The following BOLA3 variants were observed in gnomAD, a reference collection of about 807,000 sequenced individuals.
The protein encoded by BOLA3 is bolA-like protein 3.
Under a neutral mutation model 14.5 loss-of-function variants are expected in BOLA3, and 8 were observed. The ratio of observed to expected loss-of-function variants is 0.55; its 90% CI spans 0.32 to 0.99. The LOEUF (loss-of-function observed/expected upper bound fraction) is 0.99. Ranked by LOEUF, BOLA3 falls within the 50% of genes least tolerant of loss-of-function variation. The pLI is 0.04. For synonymous variants in BOLA3, 42 were observed against 45.7 expected, an observed-to-expected ratio of 0.92 and a Z score of 0.33; for missense variants, 115 against 138.2, an observed-to-expected ratio of 0.83 and a Z score of 0.84.
chr2:74,147,717 G>T (rs1692572846), intron 1 of BOLA3, 104 bp downstream of exon 1: 4 of 1,111,480 alleles, frequency 3.6e-6, no homozygotes, highest in African/African-American at 1.6e-5. Context: ...AGTGCCGCGC[G>T]CGCCCTCCGG....
chr2:74,144,660 G>A (rs1438004517), intron 2 of BOLA3, among the ~76,000 whole-genome samples: 1 of 152,202 alleles, frequency 6.6e-6, no homozygotes, highest in Non-Finnish European at 1.5e-5. Flanking sequence ...GCTTGGCTGG[G>A]GCTGGTAACT....
chr2:74,145,590 T>C, intron 1 of BOLA3: 1 of 461,104 alleles, frequency 2.2e-6, no homozygotes, highest in African/African-American at 2.0e-5. Flanking sequence ...TTTGCTTCCA[T>C]ATAATGTTGT....
chr2:74,147,867 G>A lies in BOLA3; in HGVS notation c.8C>T (p.Ala3Val), dbSNP rs1377089085. The change falls in exon 1 of 4, where the codon GCA (alanine) becomes GTA (valine). Residue 3 changes from alanine to valine, a missense_variant. Ala to Val is a moderately conservative substitution (Grantham distance 64). Coordinates refer to ENST00000327428, the MANE Select transcript of BOLA3 (RefSeq NM_212552.3). ...AGGCGCTGCCGCGGCCGGGCTCCAT[G>A]CAGCCATGCCCGGCCGACGTGACCC... The part of the protein sequence containing the change: MA[A>V]WSPAAAAPLL... 5.9e-6 allele frequency: 9 copies of A among 1,523,172 alleles called. No homozygotes were observed. The highest frequency in any genetic ancestry group is 2.8e-5 in the African/African-American group (2 of 71,238). 94.4% of individuals were successfully genotyped at this position (1,523,172 alleles called of 1,614,324 possible).
intron 1 of BOLA3, chr2:74,147,361 G>A: frequency 4.5e-6 from 1 of 220,750 alleles, no homozygotes; most frequent in Non-Finnish European, 9.0e-6. Flanking sequence ...CGTGGGAAGT[G>A]CCCCCTGCTT....
chr2:74,142,836 G>C (rs1478066600), intron 2 of BOLA3, among the ~76,000 whole-genome samples: 5 of 152,220 alleles, frequency 3.3e-5, no homozygotes, highest in African/African-American at 9.6e-5. Flanking sequence ...GGGAGCATGA[G>C]AGCCAGGGAC....
intron 3 of BOLA3, 73 bp from the exon 4 acceptor site, chr2:74,135,731 T>A: frequency 1.8e-6 from 2 of 1,120,446 alleles, no homozygotes; most frequent in South Asian, 1.2e-5. Flanking sequence ...AGAGTATTTT[T>A]ATACAGCTCT....
intron 2 of BOLA3, 67 bp downstream of exon 2, chr2:74,145,122 G>T: frequency 1.1e-6 from 1 of 884,058 alleles, no homozygotes; most frequent in South Asian, 1.3e-5. Flanking sequence ...CCAAGCCCCT[G>T]ACCCTCTGTC....
chr2:74,147,548 T>C, intron 1 of BOLA3: 1 of 539,958 alleles, frequency 1.9e-6, no homozygotes. Context: ...CGCAGTATTA[T>C]GACTGTTCAT....
At chr2:74,142,531 T>C (rs1027331620) in intron 2 of BOLA3, among the ~76,000 whole-genome samples, 171 bp from the exon 3 acceptor site, 3 of 152,086 alleles carry the variant, frequency 2.0e-5, no homozygotes, top group Non-Finnish European at 4.4e-5. Flanking sequence ...GACCACATGC[T>C]CCTCCTGACA....
chr2:74,139,347 C>T (rs1046334749), intron 3 of BOLA3, among the ~76,000 whole-genome samples: 1 of 152,104 alleles, frequency 6.6e-6, no homozygotes, highest in Non-Finnish European at 1.5e-5. Context: ...ACACCAGGCC[C>T]CCACCCAAAC....
chr2:74,143,789 C>T (rs898398815), intron 2 of BOLA3, among the ~76,000 whole-genome samples: 9 of 151,618 alleles, frequency 5.9e-5, no homozygotes, highest in African/African-American at 1.5e-4. Context: ...CAGGTTCAAG[C>T]GATTCTCCTG....
chr2:74,147,901 A>G lies in BOLA3; in HGVS notation c.-27T>C. On this transcript the variant is annotated 5_prime_UTR_variant, in exon 1 of 4. Coordinates refer to ENST00000327428, the MANE Select transcript of BOLA3 (RefSeq NM_212552.3). ...CCCGGCCGACGTGACCCGCCGCCCG[A>G]GGTCACTGTATGCCCGAAAGACGCG... 6.6e-7 allele frequency: 1 copy of G among 1,512,020 alleles called. No homozygotes were observed. Among genetic ancestry groups the G allele is most frequent in the Non-Finnish European group, 8.8e-7 (1 of 1,137,484 alleles). 93.7% of individuals were successfully genotyped at this position (1,512,020 alleles called of 1,614,324 possible).
intron 3 of BOLA3, among the ~76,000 whole-genome samples, chr2:74,139,430 C>T (rs1039273866): frequency 1.3e-5 from 2 of 151,754 alleles, no homozygotes; most frequent in Non-Finnish European, 2.9e-5. Flanking sequence ...ACCAGCTGGC[C>T]CTGGGAGTGG....
chr2:74,140,519 T>C (rs1692419951), intron 3 of BOLA3, among the ~76,000 whole-genome samples: 1 of 152,206 alleles, frequency 6.6e-6, no homozygotes, highest in Admixed American at 6.5e-5. Context: ...GCAGTAAGCC[T>C]GCTTTCGAGG....
At chr2:74,136,606 T>C (rs368749307) in intron 3 of BOLA3, among the ~76,000 whole-genome samples, 90 of 152,310 alleles carry the variant, frequency 5.9e-4, no homozygotes, top group African/African-American at 1.9e-3. Context: ...CAAACATCTA[T>C]CTTGGAGATC....
At chr2:74,147,612 C>T in intron 1 of BOLA3, 5 of 620,194 alleles carry the variant, frequency 8.1e-6, no homozygotes, top group Non-Finnish European at 1.1e-5. Flanking sequence ...TCCCCTAGAG[C>T]GCGCCAGAGC....
chr2:74,137,934 C>G (rs535360843), intron 3 of BOLA3, among the ~76,000 whole-genome samples: 1 of 152,362 alleles, frequency 6.6e-6, no homozygotes, highest in East Asian at 1.9e-4. Context: ...TGTGCCTGGA[C>G]CACAACCAGC....
At chr2:74,147,390 G>A in intron 1 of BOLA3, 1 of 249,824 alleles carries the variant, frequency 4.0e-6, no homozygotes, top group South Asian at 4.5e-5. Flanking sequence ...CTCCGGTAGT[G>A]TGGGATTTGG....
intron 3 of BOLA3, among the ~76,000 whole-genome samples, chr2:74,137,035 C>T (rs1258928728): frequency 6.6e-6 from 1 of 152,174 alleles, no homozygotes; most frequent in Non-Finnish European, 1.5e-5. Context: ...TATACTAGGC[C>T]AAAATCTGAT....
Sources: allele counts gnomAD v4.1 joint callset (sites outside exome capture counted in the v4.1 genomes callset), GRCh38; gene constraint gnomAD v4.1.1; transcripts MANE v1.5; gene names NCBI Gene and HGNC (gene_info 2026-07-23, HGNC 2026-07-21).